DCN: variants seen among roughly 807,000 people sequenced by gnomAD.
DCN encodes the protein bone proteoglycan II.
In DCN, 17 loss-of-function variants were observed where a neutral mutation model predicts 36.5. The observed-to-expected ratio is 0.47, with a 90% CI of 0.32 to 0.70. DCN has a LOEUF of 0.70. DCN is among the 30% of genes least tolerant of loss of function. The pLI, the probability that DCN is intolerant of heterozygous loss-of-function variation, is 0.04. For synonymous variants in DCN, 163 were observed against 161.4 expected, an observed-to-expected ratio of 1.01 and a Z score of -0.07; for missense variants, 389 against 430.1, an observed-to-expected ratio of 0.90 and a Z score of 0.84.
chr12:91,167,813 A>G (rs1882677134), intron 2 of DCN, among the ~76,000 whole-genome samples: 1 of 152,094 alleles, frequency 6.6e-6, no homozygotes, highest in Non-Finnish European at 1.5e-5. Flanking sequence ...TCCTCACTCC[A>G]GAACTATGTT....
chr12:91,154,817 A>G (rs556584358), intron 5 of DCN, among the ~76,000 whole-genome samples: 1 of 152,172 alleles, frequency 6.6e-6, no homozygotes, highest in African/African-American at 2.4e-5. Flanking sequence ...TAATCCTCAC[A>G]ATAATCCTAG....
chr12:91,146,224 G>C lies in DCN; in HGVS notation c.914C>G (p.Ser305Cys). 6.2e-7 allele frequency: 1 copy of C among 1,610,776 alleles called. No homozygotes were observed. The highest frequency in any genetic ancestry group is 8.5e-7 in the Non-Finnish European group (1 of 1,177,284). ...QVVYLHNNNI[S>C]VVGSSDFCPP... ...GCAGAAGTCACTTGATCCAACTACA[G>C]AGATATTGTTGTTATGAAGGTAGAC... The change falls in exon 8 of 8, where the codon TCT becomes TGT. Residue 305 changes from serine to cysteine, a missense_variant. Ser to Cys is a moderately radical substitution (Grantham distance 112). Transcript: ENST00000052754.
At position 91,143,487 on chromosome 12, in the gene DCN, A is replaced by C. The variant is rs1216389559; in HGVS notation, c.*2571T>G. On this transcript the variant is annotated 3_prime_UTR_variant, in exon 8 of 8. Coordinates refer to ENST00000052754, the MANE Select transcript of DCN (RefSeq NM_001920.5). ...AATCTCAGACCTCGATCCAGAACTG[A>C]CACATAAGAATTTCCCTTGAAATGA... 1 of 152,168 alleles carries C rather than the reference A, an allele frequency of 6.6e-6. No individual in the cohort carries two copies. Among genetic ancestry groups the C allele is most frequent in the Non-Finnish European group, 1.5e-5 (1 of 68,028 alleles). 9.4% of individuals were successfully genotyped at this position (152,168 alleles called of 1,614,324 possible).
At chr12:91,148,221 C>T (rs550426389) in intron 7 of DCN, among the ~76,000 whole-genome samples, 1 of 151,888 alleles carries the variant, frequency 6.6e-6, no homozygotes, top group Non-Finnish European at 1.5e-5. Context: ...CTACAGGCGC[C>T]CACCACCACG....
At position 91,142,798 on chromosome 12, in the gene DCN, T is replaced by C. The variant is rs1880792619; in HGVS notation, c.*3260A>G. The C allele has an allele frequency of 1.3e-5, 2 of 152,166 alleles. No homozygotes were observed. The highest frequency in any genetic ancestry group is 4.1e-4 in the South Asian group (2 of 4,828). 9.4% of individuals were successfully genotyped at this position (152,166 alleles called of 1,614,324 possible). A position where few individuals can be genotyped will look rare whatever the true frequency, so the allele number is the denominator to read the frequency against. On this transcript the variant is annotated 3_prime_UTR_variant, in exon 8 of 8. Coordinates refer to ENST00000052754, the MANE Select transcript of DCN (RefSeq NM_001920.5). ...AAATTTTTAAGTTTCCAACCTTTTA[T>C]GTGAAGCACCCATAATCGAACAACA...
intron 5 of DCN, among the ~76,000 whole-genome samples, chr12:91,156,867 C>G (rs1479290519): frequency 6.6e-6 from 1 of 152,018 alleles, no homozygotes; most frequent in Non-Finnish European, 1.5e-5. Context: ...CGTGGTCATC[C>G]AGACTGAATC....
At chr12:91,172,546 C>A in intron 2 of DCN, 1 of 379,620 alleles carries the variant, frequency 2.6e-6, no homozygotes, top group Non-Finnish European at 4.8e-6. Context: ...GATGATTCTT[C>A]TCTTTAATTC....
At chr12:91,149,326 A>T (rs1362376347) in intron 7 of DCN, among the ~76,000 whole-genome samples, 1 of 152,220 alleles carries the variant, frequency 6.6e-6, no homozygotes, top group Non-Finnish European at 1.5e-5. Flanking sequence ...AATGTAATAC[A>T]CTATATCAAA....
At chr12:91,159,320 A>G (rs1882011055) in intron 3 of DCN, among the ~76,000 whole-genome samples, 1 of 152,158 alleles carries the variant, frequency 6.6e-6, no homozygotes, top group Non-Finnish European at 1.5e-5. Flanking sequence ...GCCTTGCAAT[A>G]TTTGATATTA....
At chr12:91,164,294 C>A (rs1882358051) in intron 3 of DCN, among the ~76,000 whole-genome samples, 1 of 145,752 alleles carries the variant, frequency 6.9e-6, no homozygotes, top group East Asian at 2.0e-4. Context: ...TGCAGCGCAC[C>A]AGCATGGCAC....
intron 2 of DCN, 105 bp downstream of exon 2, chr12:91,178,237 T>C: frequency 9.7e-7 from 1 of 1,026,868 alleles, no homozygotes; most frequent in Non-Finnish European, 1.5e-6. Context: ...TGGCACTGTC[T>C]CTCAAATTTA....
At position 91,156,204 on chromosome 12, in the gene DCN, G is replaced by A. The variant is rs367684330; in HGVS notation, c.652+871C>T. Among the ~76,000 whole-genome samples the A allele has an allele frequency of 2.0e-4, 30 of 152,240 alleles. 1 individual carries two copies. Among genetic ancestry groups the A allele is most frequent in the African/African-American group, 7.0e-4 (29 of 41,550 alleles). On this transcript the variant is annotated intron_variant, in intron 5 of 7. Coordinates refer to ENST00000052754, the MANE Select transcript of DCN (RefSeq NM_001920.5). ...TTGGAACAATGAACTTACCCTTGTGGCTATGTGGTCATTGCTGTGTATTTG... is the reference window on the plus strand; with the variant it reads ...TTGGAACAATGAACTTACCCTTGTGACTATGTGGTCATTGCTGTGTATTTG...
In DCN at chr12:91,164,587, A is replaced by T. The variant is rs541064496; in HGVS notation, c.324+18T>A. ...TTGAGTCTTATCTTATTGTGAGTTA[A>T]AAAAAAATAGTTCTTACGTGAAGGT... On this transcript the variant is annotated intron_variant, in intron 3 of 7. Transcript: ENST00000052754. 108 of 1,407,864 alleles carry T rather than the reference A, an allele frequency of 7.7e-5. No individual in the cohort carries two copies. The African/African-American group carries it at 1.4e-3, about 18-fold the overall frequency. 87.2% of individuals were successfully genotyped at this position (1,407,864 alleles called of 1,614,324 possible).
chr12:91,181,837 T>C (rs1868415630), intron 1 of DCN, among the ~76,000 whole-genome samples: 1 of 152,002 alleles, frequency 6.6e-6, no homozygotes, highest in African/African-American at 2.4e-5. Flanking sequence ...AAAGGCGGCA[T>C]TTATCCACAA....
intron 2 of DCN, among the ~76,000 whole-genome samples, chr12:91,165,130 C>G (rs1882469262): frequency 6.6e-6 from 1 of 152,090 alleles, no homozygotes. Flanking sequence ...ATTACTCTAG[C>G]CAAATCATCA....
Position 91,178,369 on chromosome 12 carries a change from G to A in DCN, c.184C>T (p.Leu62Phe). The change falls in exon 2 of 8, where the codon CTT becomes TTT. Residue 62 changes from leucine (L) to phenylalanine (F), a missense_variant. Physicochemically the swap from Leu to Phe is conservative, Grantham distance 22 (BLOSUM62 0). Coordinates refer to ENST00000052754, the MANE Select transcript of DCN (RefSeq NM_001920.5). ...PVCPFRCQCH[L>F]RVVQCSDLGL... Reference sequence around the variant, plus strand: ...AAATCAGAACACTGGACCACTCGAAGATGGCATTGACAGCGGAAGGGGCAC... The same window carrying A: ...AAATCAGAACACTGGACCACTCGAAAATGGCATTGACAGCGGAAGGGGCAC... 2 of 1,613,954 alleles carry A rather than the reference G, an allele frequency of 1.2e-6. No homozygotes were observed. The highest frequency in any genetic ancestry group is 1.7e-6 in the Non-Finnish European group (2 of 1,179,974).
At position 91,141,784 on chromosome 12, in the gene DCN, G is replaced by C. The variant is rs1426953031; in HGVS notation, c.*4274C>G. On this transcript the variant is annotated 3_prime_UTR_variant, in exon 8 of 8. Coordinates refer to ENST00000052754, the MANE Select transcript of DCN (RefSeq NM_001920.5). Reference sequence around the variant, plus strand: ...TCATTCAGCCCTCACAGTCACTGCAGAATGTGTGGCCTGGGAAGAGTCTCC... The same window carrying C: ...TCATTCAGCCCTCACAGTCACTGCACAATGTGTGGCCTGGGAAGAGTCTCC... 1 of 152,122 alleles carries C rather than the reference G, an allele frequency of 6.6e-6. No homozygotes were observed. The highest frequency in any genetic ancestry group is 2.4e-5 in the African/African-American group (1 of 41,422). 9.4% of individuals were successfully genotyped at this position (152,122 alleles called of 1,614,324 possible). A position where few individuals can be genotyped will look rare whatever the true frequency, so the allele number is the denominator to read the frequency against.
chr12:91,143,884 G>C lies in DCN; in HGVS notation c.*2174C>G, dbSNP rs1592672869. ...TATATATAAAGATATATATGTGTGTGTATATATATAAATATGGGGGGAAGT... is the reference window on the plus strand; with the variant it reads ...TATATATAAAGATATATATGTGTGTCTATATATATAAATATGGGGGGAAGT... On this transcript the variant is annotated 3_prime_UTR_variant, in exon 8 of 8. Transcript: ENST00000052754. 6.7e-6 allele frequency: 1 copy of C among 149,882 alleles called. No individual in the cohort carries two copies. Among genetic ancestry groups the C allele is most frequent in the South Asian group, 2.1e-4 (1 of 4,792 alleles). The allele number at this position is 149,882 out of a possible 1,614,324, so 9.3% of individuals were successfully genotyped here. A position where few individuals can be genotyped will look rare whatever the true frequency, so the allele number is the denominator to read the frequency against.
chr12:91,168,187 G>T (rs1173465576), intron 2 of DCN, among the ~76,000 whole-genome samples: 1 of 152,114 alleles, frequency 6.6e-6, no homozygotes, highest in East Asian at 1.9e-4. Context: ...CTGATCTACA[G>T]CTATTCCGTG....
Sources: allele counts gnomAD v4.1 joint callset (sites outside exome capture counted in the v4.1 genomes callset), GRCh38; gene constraint gnomAD v4.1.1; transcripts MANE v1.5; gene names NCBI Gene and HGNC (gene_info 2026-07-23, HGNC 2026-07-21).